EPB41L3: variants seen among roughly 807,000 people sequenced by gnomAD.
EPB41L3 encodes the protein erythrocyte membrane protein band 4.1 like 3.
EPB41L3 carries 57 observed loss-of-function variants against 127.1 expected under a neutral mutation model. That is an observed-to-expected ratio of 0.45 (90% CI 0.36 to 0.56). EPB41L3 has a LOEUF of 0.56. EPB41L3 is among the 20% of genes least tolerant of loss of function. The pLI is 0.00. For missense variants in EPB41L3, 1,273 were observed against 1,372.2 expected (o/e 0.93, Z 1.14); for synonymous variants, 572 against 549.5 (o/e 1.04, Z -0.57).
At chr18:5,414,834 G>C (rs2076601126) in intron 13 of EPB41L3, among the ~76,000 whole-genome samples, 1 of 152,150 alleles carries the variant, frequency 6.6e-6, no homozygotes. Flanking sequence ...ACAATTAACA[G>C]GAAAAACTAC....
At chr18:5,614,186 T>C (rs2094764313) in intron 2 of EPB41L3, among the ~76,000 whole-genome samples, 1 of 152,184 alleles carries the variant, frequency 6.6e-6, no homozygotes, top group African/African-American at 2.4e-5. Context: ...AGAATTATAG[T>C]CCCTTTCTCT....
At chr18:5,588,865 G>T (rs2094461993) in intron 3 of EPB41L3, among the ~76,000 whole-genome samples, 1 of 151,854 alleles carries the variant, frequency 6.6e-6, no homozygotes, top group Non-Finnish European at 1.5e-5. Context: ...TAAATATGAT[G>T]ATTTTATTTC....
At chr18:5,421,458 C>T (rs1251468448) in intron 11 of EPB41L3, among the ~76,000 whole-genome samples, 2 of 152,108 alleles carry the variant, frequency 1.3e-5, no homozygotes, top group African/African-American at 4.8e-5. Flanking sequence ...TATCTTAATT[C>T]AGCTCGAAAC....
chr18:5,417,875 A>G (rs2077017831), intron 12 of EPB41L3, among the ~76,000 whole-genome samples: 1 of 152,190 alleles, frequency 6.6e-6, no homozygotes, highest in South Asian at 2.1e-4. Context: ...TAACTTCTGC[A>G]TGAAGACAAC....
chr18:5,629,684 C>T (rs2094968496), upstream of EPB41L3, among the ~76,000 whole-genome samples: 1 of 152,040 alleles, frequency 6.6e-6, no homozygotes, highest in Non-Finnish European at 1.5e-5. Flanking sequence ...TGCAGGGGGG[C>T]GGGGACGGAT....
At chr18:5,629,652 TC>T (rs1200415643), upstream of EPB41L3, among the ~76,000 whole-genome samples, 1 of 152,074 alleles carries the variant, frequency 6.6e-6, no homozygotes, top group African/African-American at 2.4e-5. Flanking sequence ...GAGACTCCGC[TC>T]TCTGGGCTAG....
chr18:5,491,163 A>C (rs2090551901), intron 1 of EPB41L3, among the ~76,000 whole-genome samples: 3 of 152,164 alleles, frequency 2.0e-5, no homozygotes, highest in African/African-American at 7.2e-5. Context: ...ATAAAGACAA[A>C]GCCACTCACC....
At chr18:5,408,291 T>TG (rs1490442634) in intron 14 of EPB41L3, among the ~76,000 whole-genome samples, 1 of 150,058 alleles carries the variant, frequency 6.7e-6, no homozygotes, top group Admixed American at 6.7e-5. Flanking sequence ...TTTTTTTTTT[T>TG]GAGACAGAGT....
chr18:5,446,734 G>A (rs1309877894), intron 3 of EPB41L3, among the ~76,000 whole-genome samples: 2 of 152,144 alleles, frequency 1.3e-5, no homozygotes, highest in South Asian at 2.1e-4. Flanking sequence ...CTAAATCATA[G>A]CTAGCTAAAT....
chr18:5,593,736 A>G (rs1043098995), intron 3 of EPB41L3, among the ~76,000 whole-genome samples: 7 of 152,258 alleles, frequency 4.6e-5, no homozygotes, highest in African/African-American at 1.7e-4. Flanking sequence ...AACCATAGAA[A>G]ATGGCCACAC....
intron 15 of EPB41L3, 96 bp downstream of exon 15, chr18:5,407,605 G>T: frequency 7.7e-7 from 1 of 1,295,266 alleles, no homozygotes; most frequent in Non-Finnish European, 1.1e-6. Context: ...CAGCTACAGA[G>T]CATGCTGAAA....
At chr18:5,454,653 G>T (rs2146786609) in intron 3 of EPB41L3, among the ~76,000 whole-genome samples, 1 of 152,280 alleles carries the variant, frequency 6.6e-6, no homozygotes, top group East Asian at 1.9e-4. Context: ...CAGCTCTTCA[G>T]AAAACCATGA....
intron 3 of EPB41L3, among the ~76,000 whole-genome samples, chr18:5,461,253 C>G (rs11662796): frequency 0.45 from 68,412 of 151,918 alleles, 15,879 homozygotes; most frequent in East Asian, 0.71. Context: ...TATTTGCTGT[C>G]ACCATGGCAT....
intron 3 of EPB41L3, among the ~76,000 whole-genome samples, chr18:5,560,269 G>A (rs2094105395): frequency 6.6e-6 from 1 of 152,138 alleles, no homozygotes; most frequent in Non-Finnish European, 1.5e-5. Context: ...TTTGATTAAT[G>A]GCATAGCAAC....
chr18:5,407,809 T>C, intron 14 of EPB41L3, 73 bp from the exon 15 acceptor site: 1 of 1,443,510 alleles, frequency 6.9e-7, no homozygotes, highest in Middle Eastern at 1.7e-4. Context: ...AACTATGGTC[T>C]ACATAGACTT....
At chr18:5,452,738 G>A (rs930311123) in intron 3 of EPB41L3, among the ~76,000 whole-genome samples, 1 of 152,036 alleles carries the variant, frequency 6.6e-6, no homozygotes, top group African/African-American at 2.4e-5. Context: ...TCCATTTAAA[G>A]CTATGAATAC....
intron 1 of EPB41L3, among the ~76,000 whole-genome samples, chr18:5,618,683 C>G (rs143757102): frequency 1.3e-5 from 2 of 151,978 alleles, no homozygotes; most frequent in Non-Finnish European, 2.9e-5. Context: ...TGTGAACAGA[C>G]GAAAGTCAAT....
Position 5,463,268 on chromosome 18 carries a change from C to T in EPB41L3, c.381+14973G>A, listed in dbSNP as rs116680074. On this transcript the variant is annotated intron_variant, in intron 3 of 22. Transcript: ENST00000341928. ...AAAACATGAATGAGCCAAATAACTCCCCTACATAAAGCTCCTCAGAAGCAC... is the reference window on the plus strand; with the variant it reads ...AAAACATGAATGAGCCAAATAACTCTCCTACATAAAGCTCCTCAGAAGCAC... 1.0e-2 allele frequency among the ~76,000 whole-genome samples: 1,516 copies of T among 152,266 alleles called. 16 individuals carry two copies. The highest frequency in any genetic ancestry group is 0.034 in the African/African-American group (1,403 of 41,556).
chr18:5,536,924 CAT>C (rs760474951), intron 1 of EPB41L3, among the ~76,000 whole-genome samples: 23 of 152,280 alleles, frequency 1.5e-4, no homozygotes, highest in South Asian at 6.2e-4. Flanking sequence ...ATGTAATCTA[CAT>C]ATGAGTCTGT....
Sources: gnomAD v4.1 joint callset for allele counts (sites outside exome capture counted in the v4.1 genomes callset) on GRCh38, gnomAD v4.1.1 for gene constraint, MANE v1.5 for transcripts, NCBI Gene and HGNC (gene_info 2026-07-23, HGNC 2026-07-21) for gene names.